Variants in GULP1 observed in about 807,000 individuals in gnomAD.
GULP1 encodes the protein PTB domain-containing engulfment adapter protein 1.
In GULP1, 19 loss-of-function variants were observed where a neutral mutation model predicts 40.9. The observed-to-expected ratio is 0.46, with a 90% CI of 0.32 to 0.68. GULP1 has a LOEUF of 0.68. Ranked by LOEUF, GULP1 falls within the 30% of genes least tolerant of loss-of-function variation. The pLI, the probability that GULP1 is intolerant of heterozygous loss-of-function variation, is 0.03. For synonymous variants in GULP1, 119 were observed against 117.6 expected, an observed-to-expected ratio of 1.01 and a Z score of -0.08; for missense variants, 312 against 362.2, an observed-to-expected ratio of 0.86 and a Z score of 1.12.
chr2:188,308,605 A>C (rs1190287872), intron 1 of GULP1, among the ~76,000 whole-genome samples: 1 of 152,148 alleles, frequency 6.6e-6, no homozygotes, highest in African/African-American at 2.4e-5. Context: ...AGTAAAAAAG[A>C]TGAAGTGTAT....
rs532408045 is a variant in GULP1 at position 188,569,156 on chromosome 2, T to A, written c.400-83T>A. 4.5e-4 allele frequency: 345 copies of A among 762,854 alleles called. 1 individual carries two copies. The highest frequency in any genetic ancestry group is 3.4e-3 in the South Asian group (236 of 69,898). The allele number at this position is 762,854 out of a possible 1,614,324, so 47.3% of individuals were successfully genotyped here. A position where few individuals can be genotyped will look rare whatever the true frequency, so the allele number is the denominator to read the frequency against. ...CCTCTTGTGAATGTCTTGGAGTAAG[T>A]GCTTATATGAATGTTGTTTTCTCGA... On this transcript the variant is annotated intron_variant, in intron 7 of 11. Transcript: ENST00000409830.
At chr2:188,458,879 A>G (rs1055273135) in intron 2 of GULP1, among the ~76,000 whole-genome samples, 1 of 151,644 alleles carries the variant, frequency 6.6e-6, no homozygotes, top group East Asian at 1.9e-4. Context: ...CCATGATTCT[A>G]CTCTCTACCT....
intron 2 of GULP1, among the ~76,000 whole-genome samples, chr2:188,466,292 T>C (rs200975332): frequency 0.054 from 7,930 of 147,400 alleles, 344 homozygotes; most frequent in African/African-American, 0.12. Context: ...GGTTTTTTTT[T>C]CCCCCCCCGG....
intron 2 of GULP1, among the ~76,000 whole-genome samples, chr2:188,424,984 A>G (rs906661455): frequency 2.6e-5 from 4 of 151,964 alleles, no homozygotes; most frequent in South Asian, 4.1e-4. Flanking sequence ...GTGTTCTTTC[A>G]TTGGGAGTTA....
intron 5 of GULP1, 38 bp downstream of exon 5, chr2:188,522,865 ACT>A: frequency 4.7e-6 from 6 of 1,264,568 alleles, no homozygotes; most frequent in Non-Finnish European, 4.6e-6. Context: ...AAGTGTATTG[ACT>A]CTGTCATGTT....
intron 1 of GULP1, among the ~76,000 whole-genome samples, chr2:188,340,752 C>T (rs764820849): frequency 2.8e-4 from 42 of 152,120 alleles, no homozygotes; most frequent in Non-Finnish European, 5.0e-4. Flanking sequence ...ATCGCACAAA[C>T]GAATTGAAGG....
intron 1 of GULP1, chr2:188,297,616 A>T (rs1255814941): frequency 4.8e-6 from 2 of 420,648 alleles, no homozygotes; most frequent in African/African-American, 4.3e-5. Flanking sequence ...TCTATAAGAG[A>T]GGAGACTGAA....
chr2:188,564,478 C>T (rs537711171), intron 7 of GULP1, among the ~76,000 whole-genome samples: 3 of 151,784 alleles, frequency 2.0e-5, no homozygotes, highest in African/African-American at 7.2e-5. Flanking sequence ...ATGTATTTAC[C>T]GTAGCATCAG....
intron 9 of GULP1, among the ~76,000 whole-genome samples, chr2:188,578,535 TAA>T (rs796735782): frequency 8.6e-6 from 1 of 116,316 alleles, no homozygotes; most frequent in Non-Finnish European, 1.9e-5. Context: ...TAAAGTAAAA[TAA>T]AAAAAAAAAA....
intron 1 of GULP1, among the ~76,000 whole-genome samples, chr2:188,366,828 C>T (rs984235610): frequency 2.0e-5 from 3 of 152,126 alleles, no homozygotes; most frequent in Admixed American, 2.0e-4. Context: ...CTTCTGACCT[C>T]ATGATCCTCC....
intron 2 of GULP1, among the ~76,000 whole-genome samples, chr2:188,473,975 C>T (rs2060804845): frequency 6.6e-6 from 1 of 152,160 alleles, no homozygotes; most frequent in Non-Finnish European, 1.5e-5. Flanking sequence ...TGCCCAAGGG[C>T]TCTTCAGTTA....
At chr2:188,589,306 T>C (rs945361392) in intron 11 of GULP1, 3 of 152,606 alleles carry the variant, frequency 2.0e-5, no homozygotes, top group African/African-American at 7.2e-5. Flanking sequence ...TCCTAGTTCT[T>C]TTCTATATTT....
intron 1 of GULP1, among the ~76,000 whole-genome samples, chr2:188,329,918 A>G (rs572876316): frequency 6.6e-6 from 1 of 152,216 alleles, no homozygotes; most frequent in Admixed American, 6.5e-5. Flanking sequence ...CTGATAGGAG[A>G]ATAGTCATTG....
At chr2:188,524,984 A>T (rs181758645) in intron 5 of GULP1, among the ~76,000 whole-genome samples, 6 of 152,104 alleles carry the variant, frequency 3.9e-5, no homozygotes, top group Non-Finnish European at 5.9e-5. Context: ...GCTGATGGAA[A>T]AATTAAAGAA....
chr2:188,563,657 T>C (rs1190099525), intron 7 of GULP1, among the ~76,000 whole-genome samples: 1 of 151,278 alleles, frequency 6.6e-6, no homozygotes, highest in Non-Finnish European at 1.5e-5. Flanking sequence ...TTTTGACAAG[T>C]GAAATACCAA....
chr2:188,369,290 A>G (rs1388837354), intron 1 of GULP1, among the ~76,000 whole-genome samples: 1 of 151,928 alleles, frequency 6.6e-6, no homozygotes, highest in Non-Finnish European at 1.5e-5. Flanking sequence ...AGTGTTGTAT[A>G]CAATCAAAGT....
chr2:188,299,035 C>T (rs74947632), intron 1 of GULP1, among the ~76,000 whole-genome samples: 4,114 of 152,246 alleles, frequency 0.027, 190 homozygotes, highest in East Asian at 0.18. Flanking sequence ...TAGGGTTGGA[C>T]CGCACAGTCT....
At chr2:188,355,155 C>G (rs2045108244) in intron 1 of GULP1, among the ~76,000 whole-genome samples, 1 of 151,834 alleles carries the variant, frequency 6.6e-6, no homozygotes, top group South Asian at 2.1e-4. Context: ...AAGAACAAAC[C>G]AAACCCAAAA....
chr2:188,353,754 T>C (rs2044842419), intron 1 of GULP1, among the ~76,000 whole-genome samples: 1 of 151,578 alleles, frequency 6.6e-6, no homozygotes, highest in South Asian at 2.1e-4. Context: ...TGTACCCTAG[T>C]ACCCAAGCTG....
Sources: allele counts gnomAD v4.1 joint callset (sites outside exome capture counted in the v4.1 genomes callset), GRCh38; gene constraint gnomAD v4.1.1; transcripts MANE v1.5; gene names NCBI Gene and HGNC (gene_info 2026-07-23, HGNC 2026-07-21).